The following STK32B variants were observed in gnomAD, a reference collection of about 807,000 sequenced individuals.
STK32B encodes serine/threonine-protein kinase 32B.
In STK32B, 43 loss-of-function variants were observed where a neutral mutation model predicts 52.6. That is an observed-to-expected ratio of 0.82 (90% CI 0.64 to 1.05). The LOEUF (loss-of-function observed/expected upper bound fraction) is 1.05. STK32B is among the 50% of genes least tolerant of loss of function. The probability of loss-of-function intolerance (pLI) is 0.00; values close to 1 mark genes in which losing one functional copy is unlikely to be tolerated. For missense variants in STK32B, 621 were observed against 534.6 expected (o/e 1.16, Z -1.59); for synonymous variants, 238 against 204.3 (o/e 1.17, Z -1.41).
chr4:5,157,866 A>G (rs1299370461), intron 2 of STK32B, among the ~76,000 whole-genome samples: 1 of 152,292 alleles, frequency 6.6e-6, no homozygotes, highest in Non-Finnish European at 1.5e-5. Context: ...TGCTATTCCT[A>G]TGTAGGAATC....
chr4:5,364,337 C>T (rs1051004535), intron 4 of STK32B, among the ~76,000 whole-genome samples: 4 of 152,112 alleles, frequency 2.6e-5, no homozygotes, highest in East Asian at 1.9e-4. Context: ...TATTGGGCCT[C>T]AGTGAAAGAG....
chr4:5,444,446 C>T (rs1052753726), intron 6 of STK32B, among the ~76,000 whole-genome samples: 3 of 152,224 alleles, frequency 2.0e-5, no homozygotes, highest in Non-Finnish European at 2.9e-5. Context: ...GGCAATGCCT[C>T]GCCCTGCTTT....
intron 1 of STK32B, among the ~76,000 whole-genome samples, chr4:5,102,426 CTCCTTCCTTGCTTCCT>C (rs1220318541): frequency 2.3e-4 from 33 of 144,518 alleles, no homozygotes; most frequent in African/African-American, 8.0e-4. Context: ...TTTCCTTCTT[CTCCTTCCTTGCTTCCT>C]TCCTTCCTTC....
chr4:5,026,527 C>G, the STK32B span, among the ~76,000 whole-genome samples: 84,935 of 152,058 alleles, frequency 0.56, 24,240 homozygotes, highest in East Asian at 0.88. Flanking sequence ...AACTCACTCA[C>G]CATCATGAGA....
intron 11 of STK32B, among the ~76,000 whole-genome samples, chr4:5,490,638 A>G (rs1225852843): frequency 2.6e-5 from 4 of 151,976 alleles, no homozygotes; most frequent in African/African-American, 2.4e-5. Context: ...GGTTAGTTAC[A>G]TGTGTATACA....
At chr4:5,438,841 C>G (rs968773742) in intron 6 of STK32B, among the ~76,000 whole-genome samples, 2 of 151,954 alleles carry the variant, frequency 1.3e-5, no homozygotes, top group African/African-American at 2.4e-5. Flanking sequence ...CTATGAGTGA[C>G]AATATGCGGT....
At chr4:5,498,863 C>G in intron 11 of STK32B, 82 bp from the exon 12 acceptor site, 5 of 1,486,734 alleles carry the variant, frequency 3.4e-6, no homozygotes, top group Non-Finnish European at 4.5e-6. Flanking sequence ...TCCACAGTTG[C>G]CCTGCCTGCC....
At chr4:5,084,763 G>T (rs1712624669) in intron 1 of STK32B, among the ~76,000 whole-genome samples, 1 of 152,114 alleles carries the variant, frequency 6.6e-6, no homozygotes, top group South Asian at 2.1e-4. Context: ...TTTTTGTATG[G>T]TTTCATAAAT....
chr4:5,326,989 G>T (rs1183119349), intron 3 of STK32B, among the ~76,000 whole-genome samples: 1 of 152,054 alleles, frequency 6.6e-6, no homozygotes, highest in South Asian at 2.1e-4. Flanking sequence ...AACCTCTTGT[G>T]TCATTTTAAC....
At chr4:5,416,398 A>G (rs979780174) in intron 5 of STK32B, among the ~76,000 whole-genome samples, 2 of 152,002 alleles carry the variant, frequency 1.3e-5, no homozygotes, top group Admixed American at 6.5e-5. Context: ...AAATTCCTCA[A>G]TTACAGTACT....
At chr4:5,208,676 G>C (rs1190984759) in intron 3 of STK32B, among the ~76,000 whole-genome samples, 2 of 152,008 alleles carry the variant, frequency 1.3e-5, no homozygotes, top group Non-Finnish European at 2.9e-5. Context: ...TTCCACCCAT[G>C]TCATCCTCAA....
intron 4 of STK32B, among the ~76,000 whole-genome samples, chr4:5,377,550 A>T (rs183782288): frequency 2.3e-3 from 350 of 152,310 alleles, no homozygotes; most frequent in Admixed American, 4.3e-3. Context: ...TCCACAAAAG[A>T]TATCCAGTGA....
chr4:5,216,769 A>G (rs1012454349), intron 3 of STK32B, among the ~76,000 whole-genome samples: 1 of 152,188 alleles, frequency 6.6e-6, no homozygotes, highest in Non-Finnish European at 1.5e-5. Context: ...CTTCCAGGTT[A>G]ATAGGAAGCC....
At chr4:5,115,076 T>A (rs1430106650) in intron 1 of STK32B, among the ~76,000 whole-genome samples, 1 of 152,198 alleles carries the variant, frequency 6.6e-6, no homozygotes, top group African/African-American at 2.4e-5. Context: ...ATAGTGAAAT[T>A]ATGACTTCAT....
chr4:5,243,755 C>G (rs1251703627), intron 3 of STK32B, among the ~76,000 whole-genome samples: 1 of 152,066 alleles, frequency 6.6e-6, no homozygotes, highest in African/African-American at 2.4e-5. Flanking sequence ...TATGTCCCAT[C>G]AATACCTAAT....
the STK32B span, among the ~76,000 whole-genome samples, chr4:5,033,989 T>C: frequency 5.9e-5 from 9 of 152,144 alleles, no homozygotes; most frequent in African/African-American, 2.2e-4. Context: ...TTCACTGCTG[T>C]GCAGGAGATG....
At chr4:5,119,375 G>A (rs1353093566) in intron 1 of STK32B, among the ~76,000 whole-genome samples, 3 of 152,232 alleles carry the variant, frequency 2.0e-5, no homozygotes, top group Non-Finnish European at 4.4e-5. Context: ...CGGGGCTTTA[G>A]AAACATTTTA....
chr4:5,052,008 C>T lies in STK32B; in HGVS notation c.52+93C>T, dbSNP rs114262478. The T allele has an allele frequency of 2.0e-5, 30 of 1,526,274 alleles. No homozygotes were observed. The East Asian group carries it at 4.7e-4, about 24-fold the overall frequency. The allele number at this position is 1,526,274 out of a possible 1,614,324, so 94.5% of individuals were successfully genotyped here. A position where few individuals can be genotyped will look rare whatever the true frequency, so the allele number is the denominator to read the frequency against. ...GCCCTGCGGGGCACCGCATGCTGCC[C>T]GGCGCGGGGACCCAGGCATGGCCAC... On this transcript the variant is annotated intron_variant, in intron 1 of 11. Coordinates refer to ENST00000282908, the MANE Select transcript of STK32B (RefSeq NM_018401.3).
intron 4 of STK32B, among the ~76,000 whole-genome samples, chr4:5,333,080 C>T (rs887332599): frequency 6.7e-6 from 1 of 148,216 alleles, no homozygotes; most frequent in African/African-American, 2.6e-5. Context: ...CACTGACTTC[C>T]ACAATGGTTG....
Sources: gnomAD v4.1 joint callset for allele counts (sites outside exome capture counted in the v4.1 genomes callset) on GRCh38, gnomAD v4.1.1 for gene constraint, MANE v1.5 for transcripts, NCBI Gene and HGNC (gene_info 2026-07-23, HGNC 2026-07-21) for gene names.